SLC16A12: variants seen among roughly 807,000 people sequenced by gnomAD.
The protein encoded by SLC16A12 is monocarboxylate transporter 12.
A neutral mutation model predicts 42.4 loss-of-function variants in SLC16A12; 17 were observed. That is an observed-to-expected ratio of 0.40 (90% CI 0.27 to 0.60). The LOEUF (loss-of-function observed/expected upper bound fraction) is 0.60, where lower values mean the gene tolerates loss of function less well. SLC16A12 is among the 20% of genes least tolerant of loss of function. The pLI, the probability that SLC16A12 is intolerant of heterozygous loss-of-function variation, is 0.42. For synonymous variants in SLC16A12, 224 were observed against 229.4 expected (o/e 0.98, Z 0.21); for missense variants, 544 against 623.0 (o/e 0.87, Z 1.35).
intron 2 of SLC16A12, among the ~76,000 whole-genome samples, chr10:89,519,886 G>A (rs1027158270): frequency 4.6e-5 from 7 of 152,022 alleles, no homozygotes; most frequent in South Asian, 2.1e-4. Flanking sequence ...AGGCTGAGGC[G>A]GGCAGATCAC....
intron 4 of SLC16A12, among the ~76,000 whole-genome samples, chr10:89,442,425 T>C (rs1841928139): frequency 6.6e-6 from 1 of 152,200 alleles, no homozygotes; most frequent in Admixed American, 6.5e-5. Flanking sequence ...TGTGTGACCA[T>C]ATTGGTCACC....
chr10:89,499,279 G>A (rs1842962942), intron 2 of SLC16A12, among the ~76,000 whole-genome samples: 1 of 152,174 alleles, frequency 6.6e-6, no homozygotes, highest in Admixed American at 6.5e-5. Flanking sequence ...ATCAAGCTGG[G>A]CACGGTGGCT....
At chr10:89,522,762 C>T (rs1318202622) in intron 2 of SLC16A12, among the ~76,000 whole-genome samples, 3 of 152,168 alleles carry the variant, frequency 2.0e-5, no homozygotes, top group African/African-American at 7.2e-5. Flanking sequence ...CCTCTCTGTA[C>T]TTTAGTTACC....
At chr10:89,437,205 T>C (rs1439469338) in intron 6 of SLC16A12, among the ~76,000 whole-genome samples, 1 of 152,230 alleles carries the variant, frequency 6.6e-6, no homozygotes, top group East Asian at 1.9e-4. Flanking sequence ...CCAGAGATGA[T>C]GGAGGTCTTG....
Position 89,478,898 on chromosome 10 carries a change from C to G in SLC16A12, c.-46-16274G>C, listed in dbSNP as rs77351141. ...TCCCAACTCTCATTACAAGTGAATCCAACTCTTATCACTTATTTTTTGTAA... is the reference window on the plus strand; with the variant it reads ...TCCCAACTCTCATTACAAGTGAATCGAACTCTTATCACTTATTTTTTGTAA... On this transcript the variant is annotated intron_variant, in intron 2 of 7. Transcript: ENST00000371790. Among the ~76,000 whole-genome samples, 1,051 of 152,258 alleles carry G rather than the reference C, an allele frequency of 6.9e-3. 11 individuals carry two copies. The highest frequency in any genetic ancestry group is 0.024 in the African/African-American group (993 of 41,534).
At chr10:89,537,637 T>TA (rs1438895065), upstream of SLC16A12, among the ~76,000 whole-genome samples, 12 of 152,310 alleles carry the variant, frequency 7.9e-5, no homozygotes, top group South Asian at 2.1e-3. Flanking sequence ...TGAAGGTCTT[T>TA]AGGTTAAAGG....
intron 3 of SLC16A12, among the ~76,000 whole-genome samples, chr10:89,446,057 A>C (rs909116820): frequency 6.6e-5 from 10 of 152,182 alleles, no homozygotes; most frequent in African/African-American, 2.4e-4. Context: ...AGTTTAGAGA[A>C]AAAAGAATAA....
intron 2 of SLC16A12, among the ~76,000 whole-genome samples, chr10:89,547,487 T>C (rs1843748449): frequency 6.6e-6 from 1 of 152,214 alleles, no homozygotes; most frequent in South Asian, 2.1e-4. Flanking sequence ...GTATAGGCCC[T>C]GTGCATAGTA....
intron 2 of SLC16A12, among the ~76,000 whole-genome samples, chr10:89,486,640 A>G (rs1284365601): frequency 8.2e-6 from 1 of 122,060 alleles, no homozygotes; most frequent in Admixed American, 7.6e-5. Flanking sequence ...AGAAAGAAAG[A>G]AAGAAAGAAA....
chr10:89,444,295 T>C (rs1255105194), intron 3 of SLC16A12, among the ~76,000 whole-genome samples: 1 of 152,208 alleles, frequency 6.6e-6, no homozygotes, highest in Admixed American at 6.5e-5. Flanking sequence ...TAAAAGGATA[T>C]ATTCTGGAGA....
At chr10:89,539,882 T>TTTCTTTCTTTCC (rs1426491604), upstream of SLC16A12, among the ~76,000 whole-genome samples, 18 of 141,738 alleles carry the variant, frequency 1.3e-4, no homozygotes, top group South Asian at 4.3e-4. Flanking sequence ...TCTTTCTTTC[T>TTTCTTTCTTTCC]TTCTTTCTTT....
In SLC16A12 at chr10:89,546,344, A is replaced by G. The variant is rs533493376; in HGVS notation, c.-47+9538T>C. Among the ~76,000 whole-genome samples, 11 of 152,304 alleles carry G rather than the reference A, an allele frequency of 7.2e-5. No individual in the cohort carries two copies. In the South Asian group the frequency reaches 2.3e-3, roughly 32 times the overall value. On this transcript the variant is annotated intron_variant, in intron 2 of 2. Coordinates refer to the SLC16A12 transcript ENST00000475682. ...ACAAGGAAATTAAGTTTACAAGAAA[A>G]AAAACAACACCATCAAAAAGTGAGC...
chr10:89,451,556 C>T (rs1029160678), intron 3 of SLC16A12, among the ~76,000 whole-genome samples: 4 of 152,032 alleles, frequency 2.6e-5, no homozygotes, highest in South Asian at 2.1e-4. Context: ...GGATTACAGG[C>T]GCCCGCCACC....
At chr10:89,537,177 T>G (rs1843679639), upstream of SLC16A12, among the ~76,000 whole-genome samples, 1 of 139,858 alleles carries the variant, frequency 7.2e-6, no homozygotes. Flanking sequence ...GGAAGGAGTC[T>G]CGTTTTGTTT....
At chr10:89,437,196 C>A (rs1841814786) in intron 6 of SLC16A12, among the ~76,000 whole-genome samples, 1 of 152,112 alleles carries the variant, frequency 6.6e-6, no homozygotes, top group Admixed American at 6.6e-5. Flanking sequence ...AATGATTTGC[C>A]AGAGATGATG....
intron 2 of SLC16A12, among the ~76,000 whole-genome samples, chr10:89,545,419 C>T (rs1330876026): frequency 6.6e-6 from 1 of 152,004 alleles, no homozygotes; most frequent in African/African-American, 2.4e-5. Context: ...TTCTTTACAC[C>T]AACAGTAGAC....
chr10:89,538,653 C>T (rs1049395109), upstream of SLC16A12, among the ~76,000 whole-genome samples: 1 of 152,210 alleles, frequency 6.6e-6, no homozygotes, highest in African/African-American at 2.4e-5. Context: ...ATTAAACCTA[C>T]ATCGAGGCTT....
chr10:89,474,784 TAC>T (rs1842550931), intron 2 of SLC16A12, among the ~76,000 whole-genome samples: 2 of 152,214 alleles, frequency 1.3e-5, no homozygotes, highest in African/African-American at 2.4e-5. Context: ...AATTCACTGC[TAC>T]ATATATGTTA....
intron 2 of SLC16A12, among the ~76,000 whole-genome samples, chr10:89,502,480 C>G (rs113343650): frequency 6.6e-6 from 1 of 151,926 alleles, no homozygotes. Context: ...AAAAGTGATG[C>G]CCACAGAAAC....
Sources: gnomAD v4.1 joint callset for allele counts (sites outside exome capture counted in the v4.1 genomes callset) on GRCh38, gnomAD v4.1.1 for gene constraint, MANE v1.5 for transcripts, NCBI Gene and HGNC (gene_info 2026-07-23, HGNC 2026-07-21) for gene names.